HMGXB3: variants seen among roughly 807,000 people sequenced by gnomAD.
The protein encoded by HMGXB3 is HMG-box containing 3, also known as HMG domain-containing protein 3.
In HMGXB3, 45 loss-of-function variants were observed where a neutral mutation model predicts 121.5. The observed-to-expected ratio is 0.37, with a 90% CI of 0.29 to 0.47. The LOEUF (loss-of-function observed/expected upper bound fraction) is 0.47, where lower values mean the gene tolerates loss of function less well. HMGXB3 is among the 20% of genes least tolerant of loss of function. The pLI, the probability that HMGXB3 is intolerant of heterozygous loss-of-function variation, is 0.99. For synonymous variants in HMGXB3, 590 were observed against 624.1 expected, an observed-to-expected ratio of 0.95 and a Z score of 0.81; for missense variants, 1,376 against 1,602.2, an observed-to-expected ratio of 0.86 and a Z score of 2.41.
At chr5:150,017,293 A>G (rs1237664345) in intron 5 of HMGXB3, among the ~76,000 whole-genome samples, 1 of 152,262 alleles carries the variant, frequency 6.6e-6, no homozygotes, top group African/African-American at 2.4e-5. Context: ...TGAGGTGTTC[A>G]GAATGAGAAT....
At chr5:150,034,586 C>T (rs1756459848) in intron 11 of HMGXB3, among the ~76,000 whole-genome samples, 1 of 152,162 alleles carries the variant, frequency 6.6e-6, no homozygotes, top group South Asian at 2.1e-4. Context: ...TTATATCCAT[C>T]TGTATTTGGT....
intron 11 of HMGXB3, 37 bp from the exon 12 acceptor site, chr5:150,036,599 C>A: frequency 6.7e-7 from 1 of 1,485,458 alleles, no homozygotes; most frequent in Non-Finnish European, 9.0e-7. Flanking sequence ...GCTCTTTCTG[C>A]TCTGAGTGCT....
chr5:150,018,602 A>C lies in HMGXB3; in HGVS notation c.946A>C (p.Thr316Pro), dbSNP rs1756012648. ...TYTRRGHGTCTSPGCSFTYVT... is the reference protein window; with the variant it reads ...TYTRRGHGTCPSPGCSFTYVT... ...TACCCGCCGGGGCCATGGGACATGC[A>C]CCAGCCCAGGGTGCTCCTTTACATA... The change falls in exon 6 of 20, where the codon ACC becomes CCC. Residue 316 changes from threonine (T) to proline (P), a missense_variant. Physicochemically the swap from Thr to Pro is conservative, Grantham distance 38. Around this residue, in one of 2 missense-constraint regions of HMGXB3, gnomAD observed 1,116 missense variants for 1,369.0 expected, o/e 0.82. Coordinates refer to ENST00000502717, the MANE Select transcript of HMGXB3 (RefSeq NM_014983.3). 57 of 1,550,692 alleles carry C rather than the reference A, an allele frequency of 3.7e-5. No homozygotes were observed. The highest frequency in any genetic ancestry group is 4.9e-5 in the Non-Finnish European group (56 of 1,146,606).
chr5:150,021,698 A>G (rs530813569), intron 6 of HMGXB3: 3 of 514,198 alleles, frequency 5.8e-6, no homozygotes, highest in East Asian at 1.0e-4. Flanking sequence ...AAACATTCCT[A>G]TGTCTTAGAA....
intron 2 of HMGXB3, among the ~76,000 whole-genome samples, chr5:150,006,035 C>G (rs1447480588): frequency 6.6e-6 from 1 of 152,216 alleles, no homozygotes; most frequent in Admixed American, 6.5e-5. Context: ...TTTTCCCCTC[C>G]TCCCTTGGAG....
chr5:150,015,158 C>T (rs745427677), intron 5 of HMGXB3: 14 of 304,276 alleles, frequency 4.6e-5, no homozygotes, highest in Middle Eastern at 3.8e-4. Flanking sequence ...GAGCAGGGCA[C>T]GATGACAGTC....
In HMGXB3 at chr5:150,041,948, G is replaced by C. The variant is rs757799204; in HGVS notation, c.2709G>C (p.Val903=). ...TGGCTCAGAGGAGTGAAGAGAATGTGCTAGCACTGAAGAGCGTGGAGGTAA... is the reference window on the plus strand; with the variant it reads ...TGGCTCAGAGGAGTGAAGAGAATGTCCTAGCACTGAAGAGCGTGGAGGTAA... The part of the protein sequence containing the change: ...VEMAQRSEEN[V]LALKSVEFTW... Residue 903 remains valine (V), a synonymous_variant, in exon 15 of 20, where the codon GTG becomes GTC. Coordinates refer to ENST00000502717, the MANE Select transcript of HMGXB3 (RefSeq NM_014983.3). 6.4e-7 allele frequency: 1 copy of C among 1,551,470 alleles called. No individual in the cohort carries two copies. The highest frequency in any genetic ancestry group is 2.4e-5 in the East Asian group (1 of 40,922).
chr5:150,010,276 G>A lies in HMGXB3; in HGVS notation c.478G>A (p.Gly160Arg), dbSNP rs1755797399. The A allele has an allele frequency of 1.3e-6, 2 of 1,551,772 alleles. No homozygotes were observed. Among genetic ancestry groups the A allele is most frequent in the South Asian group, 1.2e-5 (1 of 84,056 alleles). The part of the protein sequence containing the change: ...CVAQNQMSPK[G>R]PPLVSNTAPE... ...GGCTCAGAACCAGATGTCCCCGAAAGGACCTCCTCTTGTGTCCAACACTGC... is the reference window on the plus strand; with the variant it reads ...GGCTCAGAACCAGATGTCCCCGAAAAGACCTCCTCTTGTGTCCAACACTGC... Residue 160 changes from glycine to arginine, a missense_variant, in exon 4 of 20, where the codon GGA (glycine) becomes AGA (arginine). Gly to Arg is a moderately radical substitution (Grantham distance 125). This residue lies in a region of HMGXB3 where 1,116 missense variants were observed against 1,369.0 expected (regional missense o/e 0.82). Coordinates refer to ENST00000502717, the MANE Select transcript of HMGXB3 (RefSeq NM_014983.3).
At position 150,020,746 on chromosome 5, in the gene HMGXB3, CT is replaced by C. The variant is rs34111560; in HGVS notation, c.1041+2065del. On this transcript the variant is annotated intron_variant, in intron 6 of 19. Coordinates refer to ENST00000502717, the MANE Select transcript of HMGXB3 (RefSeq NM_014983.3). ...TCATACCTGGCTTTAACTGAAACAG[CT>C]TTTTTTTTTTTTTTTGAAGATAGAG... 6.5e-3 allele frequency among the ~76,000 whole-genome samples: 872 copies of C among 135,180 alleles called. 2 individuals are homozygous for C. Among genetic ancestry groups the C allele is most frequent in the Non-Finnish European group, 9.8e-3 (621 of 63,432 alleles). The allele number at this position is 135,180 out of a possible 152,430, so 88.7% of individuals were successfully genotyped here. A position where few individuals can be genotyped will look rare whatever the true frequency, so the allele number is the denominator to read the frequency against.
intron 16 of HMGXB3, 69 bp downstream of exon 16, chr5:150,045,754 G>A: frequency 5.6e-6 from 7 of 1,250,246 alleles, no homozygotes; most frequent in Non-Finnish European, 8.0e-6. Context: ...ATTGTCCATG[G>A]CAAGATAGCA....
intron 3 of HMGXB3, among the ~76,000 whole-genome samples, chr5:150,007,044 C>T (rs1415769337): frequency 6.6e-6 from 1 of 152,186 alleles, no homozygotes; most frequent in Non-Finnish European, 1.5e-5. Context: ...GTACTAACTG[C>T]TATCAGTTAT....
intron 3 of HMGXB3, 83 bp from the exon 4 acceptor site, chr5:150,010,017 GAACTTACACAT>G (rs1463634518): frequency 6.8e-6 from 9 of 1,332,350 alleles, no homozygotes; most frequent in Middle Eastern, 1.9e-4. Flanking sequence ...GAAAAAAAAA[GAACTTACACAT>G]ATATATATAT....
At chr5:150,037,217 A>G (rs1411834282) in intron 12 of HMGXB3, among the ~76,000 whole-genome samples, 183 bp from the exon 13 acceptor site, 1 of 152,212 alleles carries the variant, frequency 6.6e-6, no homozygotes, top group Non-Finnish European at 1.5e-5. Flanking sequence ...TAAATTATGT[A>G]ATAAATTCAG....
rs1349285353 is a variant in HMGXB3 at position 150,000,743 on chromosome 5, C to G, written c.-439C>G. 6.5e-6 allele frequency: 1 copy of G among 154,652 alleles called. No homozygotes were observed. Among genetic ancestry groups the G allele is most frequent in the African/African-American group, 2.4e-5 (1 of 41,498 alleles). The allele number at this position is 154,652 out of a possible 1,614,324, so 9.6% of individuals were successfully genotyped here. On this transcript the variant is annotated 5_prime_UTR_variant, in exon 1 of 20. Coordinates refer to ENST00000502717, the MANE Select transcript of HMGXB3 (RefSeq NM_014983.3). ...GCCGGGACGGGTCTCCCTGGCGATC[C>G]GTGGTGTGCCGCTACTGCCGGTGCA...
intron 11 of HMGXB3, among the ~76,000 whole-genome samples, chr5:150,035,076 G>A (rs78240836): frequency 1.3e-5 from 2 of 152,192 alleles, no homozygotes; most frequent in Non-Finnish European, 2.9e-5. Flanking sequence ...AGATAACCAA[G>A]CTATTACAAA....
rs1035171103 is a variant in HMGXB3, at chr5:150,027,101, G to T, written c.1718G>T (p.Gly573Val). 2 of 1,551,560 alleles carry T rather than the reference G, an allele frequency of 1.3e-6. No homozygotes were observed. Among genetic ancestry groups the T allele is most frequent in the Non-Finnish European group, 1.7e-6 (2 of 1,146,972 alleles). ...QLGQPIQQPS[G>V]PGEVKLPSGP... ...GGCCAGCCCATTCAACAGCCATCTGGCCCTGGTGAGGTGAAGGTAAGGCCC... is the reference window on the plus strand; with the variant it reads ...GGCCAGCCCATTCAACAGCCATCTGTCCCTGGTGAGGTGAAGGTAAGGCCC... Residue 573 changes from glycine to valine, a missense_variant, in exon 9 of 20, where the codon GGC becomes GTC. Physicochemically the swap from Gly to Val is moderately radical, Grantham distance 109 (BLOSUM62 -3). Transcript: ENST00000502717.
At chr5:150,047,565 G>A in intron 16 of HMGXB3, 59 bp from the exon 17 acceptor site, 1 of 1,545,844 alleles carries the variant, frequency 6.5e-7, no homozygotes, top group Non-Finnish European at 8.7e-7. Flanking sequence ...TGTGGGCCTA[G>A]CCTTGGCCTC....
rs70973560 is a variant in HMGXB3 at position 150,008,055 on chromosome 5, T to TCACA, written c.312+1449_312+1452dup. The stretch of plus-strand genomic sequence containing the variant: ...CTGGGCAACAGAGTGAGACTCTGTT[T>TCACA]CACACACACACACACACACACACAC... On this transcript the variant is annotated intron_variant, in intron 3 of 19. Coordinates refer to ENST00000502717, the MANE Select transcript of HMGXB3 (RefSeq NM_014983.3). 6.4e-3 allele frequency among the ~76,000 whole-genome samples: 831 copies of TCACA among 130,072 alleles called. 5 individuals carry two copies. Among genetic ancestry groups the TCACA allele is most frequent in the African/African-American group, 0.013 (426 of 33,110 alleles). The allele number at this position is 130,072 out of a possible 152,430, so 85.3% of individuals were successfully genotyped here.
chr5:150,030,612 A>T, intron 9 of HMGXB3, 129 bp from the exon 10 acceptor site: 1 of 696,772 alleles, frequency 1.4e-6, no homozygotes, highest in Non-Finnish European at 2.5e-6. Flanking sequence ...CTGGCAGTCC[A>T]GAGGGCTCAT....
Sources: gnomAD v4.1 joint callset for allele counts (sites outside exome capture counted in the v4.1 genomes callset) on GRCh38, gnomAD v4.1.1 for gene constraint, gnomAD v4.1.1 regional missense constraint, MANE v1.5 for transcripts, NCBI Gene and HGNC (gene_info 2026-07-23, HGNC 2026-07-21) for gene names.